TLL1: variants seen among roughly 807,000 people sequenced by gnomAD.
The protein encoded by TLL1 is tolloid-like protein 1.
TLL1 carries 49 observed loss-of-function variants against 128.2 expected under a neutral mutation model. The observed-to-expected ratio is 0.38, with a 90% CI of 0.30 to 0.48. The LOEUF is 0.48. Among genes scored for constraint, TLL1 ranks in the 20% least tolerant of loss-of-function variants. TLL1 has a pLI of 0.96. For synonymous variants in TLL1, 454 were observed against 418.8 expected (o/e 1.08, Z -1.03); for missense variants, 1,123 against 1,242.0 (o/e 0.90, Z 1.44).
intron 1 of TLL1, among the ~76,000 whole-genome samples, chr4:165,953,458 G>A (rs768952372): frequency 6.6e-6 from 1 of 151,538 alleles, no homozygotes; most frequent in Admixed American, 6.6e-5. Context: ...TTCTCTTGAC[G>A]GAGCATCTAT....
intron 16 of TLL1, among the ~76,000 whole-genome samples, chr4:166,074,247 A>G (rs1740917577): frequency 6.6e-6 from 1 of 151,882 alleles, no homozygotes; most frequent in South Asian, 2.1e-4. Context: ...TTTAAAATAT[A>G]TAAATTTCAT....
At chr4:165,966,045 G>C (rs1180625374) in intron 1 of TLL1, among the ~76,000 whole-genome samples, 5 of 151,986 alleles carry the variant, frequency 3.3e-5, no homozygotes, top group Non-Finnish European at 4.4e-5. Context: ...TGGGTGTGGT[G>C]GTGGGCGCCT....
chr4:165,885,236 T>A (rs773259309), intron 1 of TLL1, among the ~76,000 whole-genome samples: 1 of 152,144 alleles, frequency 6.6e-6, no homozygotes, highest in Non-Finnish European at 1.5e-5. Context: ...TTGGTTTTCC[T>A]GGGCCTCAGC....
At chr4:166,063,524 T>A (rs1740433391) in intron 15 of TLL1, among the ~76,000 whole-genome samples, 1 of 152,068 alleles carries the variant, frequency 6.6e-6, no homozygotes, top group Non-Finnish European at 1.5e-5. Context: ...TCATGCTGCT[T>A]TAAAGACACA....
At chr4:166,067,364 C>T (rs1740618035) in intron 16 of TLL1, among the ~76,000 whole-genome samples, 2 of 151,664 alleles carry the variant, frequency 1.3e-5, no homozygotes, top group South Asian at 2.1e-4. Flanking sequence ...AAAAAATTTT[C>T]CAAATTATAA....
At chr4:166,044,714 A>C (rs545795010) in intron 12 of TLL1, among the ~76,000 whole-genome samples, 2 of 152,076 alleles carry the variant, frequency 1.3e-5, no homozygotes, top group Non-Finnish European at 2.9e-5. Context: ...TGAGTAGAAA[A>C]ATTTCACCCA....
chr4:166,093,700 G>T (rs563786616), intron 19 of TLL1, among the ~76,000 whole-genome samples: 8 of 152,244 alleles, frequency 5.3e-5, no homozygotes, highest in African/African-American at 1.9e-4. Flanking sequence ...CCATATTTCA[G>T]ACTATCACAT....
In TLL1 at chr4:166,039,452, C is replaced by G; in HGVS notation, c.1261+11C>G. On this transcript the variant is annotated intron_variant, in intron 10 of 20. Transcript: ENST00000061240. ...AATCACCTCTCCTTGGTAAGATATC[C>G]TTTCCCTTTTATGTGGCTATGTATC... 6.3e-7 allele frequency: 1 copy of G among 1,594,992 alleles called. No homozygotes were observed. The highest frequency in any genetic ancestry group is 1.7e-4 in the Middle Eastern group (1 of 6,014).
At chr4:166,039,480 T>A (rs752379114) in intron 10 of TLL1, 39 bp downstream of exon 10, 1 of 1,497,402 alleles carries the variant, frequency 6.7e-7, no homozygotes, top group Admixed American at 1.7e-5. Context: ...TATGTATCTA[T>A]TCTGTCCCGT....
intron 1 of TLL1, among the ~76,000 whole-genome samples, chr4:165,973,840 A>AT (rs1488535527): frequency 6.6e-6 from 1 of 151,694 alleles, no homozygotes; most frequent in Non-Finnish European, 1.5e-5. Context: ...TAATTTTTGT[A>AT]TTTTTAATAG....
intron 1 of TLL1, among the ~76,000 whole-genome samples, chr4:165,973,263 C>T (rs1011721022): frequency 2.6e-5 from 4 of 152,058 alleles, no homozygotes; most frequent in Admixed American, 2.6e-4. Context: ...ATAGTGCAGC[C>T]TTTACCATCT....
chr4:165,909,958 A>C (rs1223359677), intron 1 of TLL1, among the ~76,000 whole-genome samples: 1 of 152,156 alleles, frequency 6.6e-6, no homozygotes, highest in African/African-American at 2.4e-5. Flanking sequence ...TTCTAGAATG[A>C]TATATTTTAT....
chr4:165,917,895 G>A (rs1367835744), intron 1 of TLL1, among the ~76,000 whole-genome samples: 2 of 152,122 alleles, frequency 1.3e-5, no homozygotes, highest in African/African-American at 4.8e-5. Flanking sequence ...AATGTATAAG[G>A]CCGAATTAGT....
At chr4:166,079,098 A>G (rs1230353602) in intron 18 of TLL1, among the ~76,000 whole-genome samples, 1 of 152,286 alleles carries the variant, frequency 6.6e-6, no homozygotes, top group Non-Finnish European at 1.5e-5. Flanking sequence ...CACACTGTTG[A>G]AGGATACTAA....
chr4:166,100,551 T>C (rs1742240395), intron 20 of TLL1, among the ~76,000 whole-genome samples, 191 bp from the exon 21 acceptor site: 2 of 152,128 alleles, frequency 1.3e-5, no homozygotes, highest in South Asian at 4.1e-4. Flanking sequence ...AGCTCTAGCA[T>C]GTCATTTTCT....
intron 1 of TLL1, among the ~76,000 whole-genome samples, chr4:165,950,992 T>C (rs1014970395): frequency 6.6e-6 from 1 of 151,984 alleles, no homozygotes; most frequent in African/African-American, 2.4e-5. Context: ...ACAAAATCAA[T>C]AACATTGATA....
intron 1 of TLL1, among the ~76,000 whole-genome samples, chr4:165,912,347 C>T (rs1732576610): frequency 6.6e-6 from 1 of 152,154 alleles, no homozygotes; most frequent in Non-Finnish European, 1.5e-5. Context: ...AGCCACGGAG[C>T]CCTCTCAGAT....
intron 18 of TLL1, among the ~76,000 whole-genome samples, chr4:166,078,987 C>G (rs779457431): frequency 6.6e-6 from 1 of 152,128 alleles, no homozygotes; most frequent in Non-Finnish European, 1.5e-5. Flanking sequence ...ATAATAAAAT[C>G]AGAGACAGTC....
At chr4:166,053,040 C>T (rs1287188454) in intron 12 of TLL1, 1 of 146,292 alleles carries the variant, frequency 6.8e-6, no homozygotes, top group East Asian at 2.0e-4. Context: ...TTAAAATGTG[C>T]TTTTAAAATT....
Sources: gnomAD v4.1 joint callset for allele counts (sites outside exome capture counted in the v4.1 genomes callset) on GRCh38, gnomAD v4.1.1 for gene constraint, MANE v1.5 for transcripts, NCBI Gene and HGNC (gene_info 2026-07-23, HGNC 2026-07-21) for gene names.